The following LRRFIP2 variants were observed in gnomAD, a reference collection of about 807,000 sequenced individuals.
LRRFIP2 encodes the protein leucine-rich repeat flightless-interacting protein 2.
LRRFIP2 carries 109 observed loss-of-function variants against 125.9 expected under a neutral mutation model. The observed-to-expected ratio is 0.87, with a 90% CI of 0.74 to 1.01. The LOEUF (loss-of-function observed/expected upper bound fraction) is 1.01. Among genes scored for constraint, LRRFIP2 ranks in the 50% least tolerant of loss-of-function variants. The pLI is 0.00. For missense variants in LRRFIP2, 850 were observed against 862.3 expected, an observed-to-expected ratio of 0.99 and a Z score of 0.18; for synonymous variants, 291 against 293.1, an observed-to-expected ratio of 0.99 and a Z score of 0.07.
intron 25 of LRRFIP2, among the ~76,000 whole-genome samples, chr3:37,055,691 A>T (rs752707446): frequency 4.6e-5 from 7 of 152,218 alleles, no homozygotes; most frequent in Non-Finnish European, 7.3e-5. Flanking sequence ...TATCCCTTGC[A>T]GCAAGAGTTA....
intron 2 of LRRFIP2, among the ~76,000 whole-genome samples, chr3:37,140,752 A>G (rs1413318260): frequency 6.6e-6 from 1 of 151,734 alleles, no homozygotes; most frequent in Non-Finnish European, 1.5e-5. Flanking sequence ...CTTCTTTTTT[A>G]TATTCCCCAT....
intron 15 of LRRFIP2, among the ~76,000 whole-genome samples, chr3:37,101,935 A>C (rs985044129): frequency 1.3e-5 from 2 of 152,172 alleles, no homozygotes; most frequent in African/African-American, 2.4e-5. Context: ...TTCCTGATGA[A>C]TGTGGGAGCA....
intron 6 of LRRFIP2, among the ~76,000 whole-genome samples, chr3:37,119,290 T>G (rs2094924887): frequency 6.6e-6 from 1 of 152,210 alleles, no homozygotes; most frequent in African/African-American, 2.4e-5. Context: ...TATCTTAAAT[T>G]TGTTTAATGA....
intron 14 of LRRFIP2, 92 bp from the exon 15 acceptor site, chr3:37,103,105 A>T (rs2094155340): frequency 1.1e-6 from 1 of 899,822 alleles, no homozygotes; most frequent in Admixed American, 2.9e-5. Flanking sequence ...AAAGTTTTTT[A>T]AAATTTTGAT....
chr3:37,119,002 T>C (rs989657708), intron 6 of LRRFIP2, among the ~76,000 whole-genome samples: 4 of 152,218 alleles, frequency 2.6e-5, no homozygotes, highest in African/African-American at 9.6e-5. Flanking sequence ...GAACTCACAA[T>C]ATTATTTGGG....
chr3:37,130,615 G>A (rs987662231), intron 2 of LRRFIP2, among the ~76,000 whole-genome samples: 33 of 152,106 alleles, frequency 2.2e-4, no homozygotes, highest in African/African-American at 6.5e-4. Context: ...GTTTTAAATT[G>A]TACGCCATTC....
chr3:37,122,833 G>A (rs1248087957), intron 4 of LRRFIP2, among the ~76,000 whole-genome samples: 2 of 152,152 alleles, frequency 1.3e-5, no homozygotes, highest in Non-Finnish European at 2.9e-5. Context: ...TATTAGCAAT[G>A]GAGCATTAAG....
At chr3:37,134,604 C>A in intron 2 of LRRFIP2, 1 of 552,000 alleles carries the variant, frequency 1.8e-6, no homozygotes, top group South Asian at 1.5e-5. Flanking sequence ...GAGTTTTGGC[C>A]AGACTTTTGA....
At chr3:37,134,567 A>G in intron 2 of LRRFIP2, 1 of 484,514 alleles carries the variant, frequency 2.1e-6, no homozygotes, top group Non-Finnish European at 4.1e-6. Flanking sequence ...AGATGAGACA[A>G]TGCTGTCCCA....
At chr3:37,144,453 A>C (rs1366674746) in intron 2 of LRRFIP2, among the ~76,000 whole-genome samples, 1 of 152,182 alleles carries the variant, frequency 6.6e-6, no homozygotes, top group African/African-American at 2.4e-5. Context: ...AATGTTTTTC[A>C]AAAACAAGCC....
At chr3:37,083,896 C>T (rs1400523140) in intron 18 of LRRFIP2, 90 bp from the exon 19 acceptor site, 1 of 929,666 alleles carries the variant, frequency 1.1e-6, no homozygotes, top group Non-Finnish European at 1.6e-6. Context: ...GCCACAAACA[C>T]ATAAAGATGC....
chr3:37,106,172 ATATAC>A (rs1302439223), intron 13 of LRRFIP2, among the ~76,000 whole-genome samples: 1 of 152,230 alleles, frequency 6.6e-6, no homozygotes, highest in African/African-American at 2.4e-5. Context: ...GGGTCAACAA[ATATAC>A]TTAATGTTTT....
chr3:37,173,184 C>T (rs1355583344), intron 1 of LRRFIP2, among the ~76,000 whole-genome samples: 1 of 151,202 alleles, frequency 6.6e-6, no homozygotes. Context: ...GGCGACAGAG[C>T]GAGACTCCAC....
intron 25 of LRRFIP2, among the ~76,000 whole-genome samples, chr3:37,056,151 G>A (rs1013512875): frequency 6.6e-6 from 1 of 152,126 alleles, no homozygotes; most frequent in Admixed American, 6.6e-5. Flanking sequence ...AATAAATGCT[G>A]TTCAGTAATG....
At chr3:37,075,483 C>T (rs971868255) in intron 19 of LRRFIP2, among the ~76,000 whole-genome samples, 1 of 151,868 alleles carries the variant, frequency 6.6e-6, no homozygotes, top group Admixed American at 6.6e-5. Flanking sequence ...AAAAAACATA[C>T]ATGTAAACTT....
In LRRFIP2 at chr3:37,060,268, T is replaced by C. The variant is rs1221504496; in HGVS notation, c.1750-1358A>G. On this transcript the variant is annotated intron_variant, in intron 24 of 27. Transcript: ENST00000336686. The surrounding 1 kb of genome is among the most constrained non-coding windows in gnomAD (Gnocchi z 4.1). ...GCTCTGATAACCCTCTCCTGCTGCT[T>C]CTGCAGCTCTCTCAAACACTGTTTT... Among the ~76,000 whole-genome samples the C allele has an allele frequency of 1.3e-5, 2 of 152,098 alleles. No individual in the cohort carries two copies. Among genetic ancestry groups the C allele is most frequent in the Non-Finnish European group, 2.9e-5 (2 of 67,996 alleles).
chr3:37,117,713 G>A (rs1264762686), intron 6 of LRRFIP2, among the ~76,000 whole-genome samples: 5 of 152,136 alleles, frequency 3.3e-5, no homozygotes, highest in Non-Finnish European at 4.4e-5. Context: ...AGTACATACA[G>A]TGAACAAAGT....
rs1360029736 is a variant in LRRFIP2, at chr3:37,094,902, A to G, written c.925T>C (p.Ser309Pro). The G allele has an allele frequency of 3.8e-6, 6 of 1,596,636 alleles. No homozygotes were observed. The highest frequency in any genetic ancestry group is 5.2e-6 in the Non-Finnish European group (6 of 1,164,278). Reference sequence around the variant, plus strand: ...GTTGTTGCTGAGGCAGAATTTCGAGATGAAGGCTAGAAAGAGAAATATGAC... The same window carrying G: ...GTTGTTGCTGAGGCAGAATTTCGAGGTGAAGGCTAGAAAGAGAAATATGAC... ...QYAENYTRPS[S>P]RNSASATTPL... Residue 309 changes from serine to proline, a missense_variant, in exon 17 of 28, where the codon TCT becomes CCT. Transcript: ENST00000336686.
intron 15 of LRRFIP2, among the ~76,000 whole-genome samples, chr3:37,098,278 TG>T (rs1038640861): frequency 2.9e-4 from 44 of 150,544 alleles, no homozygotes; most frequent in East Asian, 9.6e-4. Context: ...GCGATTGAAA[TG>T]TTTTTTTTTT....
Sources: allele counts gnomAD v4.1 joint callset (sites outside exome capture counted in the v4.1 genomes callset), GRCh38; gene constraint gnomAD v4.1.1; non-coding constraint Gnocchi (gnomAD v3.1); transcripts MANE v1.5; gene names NCBI Gene and HGNC (gene_info 2026-07-23, HGNC 2026-07-21).